ATPSCKMT: variants seen among roughly 807,000 people sequenced by gnomAD.
ATPSCKMT encodes ATP synthase subunit C lysine N-methyltransferase.
Under a neutral mutation model 24.3 loss-of-function variants are expected in ATPSCKMT, and 24 were observed. The observed-to-expected ratio is 0.99, with a 90% CI of 0.71 to 1.39. The LOEUF (loss-of-function observed/expected upper bound fraction) is 1.39. Ranked by LOEUF, ATPSCKMT falls within the 40% of genes most tolerant of loss-of-function variation. ATPSCKMT has a pLI of 0.00. For synonymous variants in ATPSCKMT, 95 were observed against 110.5 expected, an observed-to-expected ratio of 0.86 and a Z score of 0.88; for missense variants, 311 against 298.4, an observed-to-expected ratio of 1.04 and a Z score of -0.31.
In ATPSCKMT at chr5:10,236,622, A is replaced by C. The variant is rs535885547; in HGVS notation, c.307-7T>G. 1.2e-6 allele frequency: 2 copies of C among 1,611,302 alleles called. No individual in the cohort carries two copies. The highest frequency in any genetic ancestry group is 4.5e-5 in the East Asian group (2 of 44,860). On this transcript the variant is annotated splice_polypyrimidine_tract_variant and splice_region_variant and intron_variant, in intron 2 of 4. Coordinates refer to ENST00000511437, the MANE Select transcript of ATPSCKMT (RefSeq NM_199133.4). ...TCTTCGCAGCCGCTATGACCTGTGG[A>C]GAGAGGCAGGATTTATTCAAAATAA...
chr5:10,239,227 A>G lies in ATPSCKMT; in HGVS notation c.146T>C (p.Val49Ala), dbSNP rs1456265692. ...CGGCGTGGCTACAGCGTACACAGCC[A>G]CCAGGGTGCCACCCACAAGCCCAGT... ...LLTGLVGGTL[V>A]AVYAVATPFV... Residue 49 changes from valine (V) to alanine (A), a missense_variant, in exon 2 of 5, where the codon GTG (valine) becomes GCG (alanine). Coordinates refer to ENST00000511437, the MANE Select transcript of ATPSCKMT (RefSeq NM_199133.4). 6.2e-7 allele frequency: 1 copy of G among 1,614,220 alleles called. No homozygotes were observed. Among genetic ancestry groups the G allele is most frequent in the Admixed American group, 1.7e-5 (1 of 60,026 alleles).
chr5:10,233,310 C>T (rs1744235325), intron 4 of ATPSCKMT, among the ~76,000 whole-genome samples: 1 of 152,020 alleles, frequency 6.6e-6, no homozygotes, highest in Admixed American at 6.6e-5. Flanking sequence ...AAAGTAGGGG[C>T]CTCCACACAC....
intron 4 of ATPSCKMT, 47 bp from the exon 5 acceptor site, chr5:10,227,694 A>T (rs1273090421): frequency 3.9e-6 from 6 of 1,553,820 alleles, no homozygotes; most frequent in South Asian, 2.3e-5. Flanking sequence ...GAGTCAGAGG[A>T]AATGATCCCA....
chr5:10,249,703 G>C, intron 1 of ATPSCKMT, 155 bp downstream of exon 1: 4 of 1,222,450 alleles, frequency 3.3e-6, no homozygotes, highest in Non-Finnish European at 3.3e-6. Flanking sequence ...CGGCGACCAG[G>C]AGCTCTGGTC....
chr5:10,243,607 G>A (rs540857960), intron 1 of ATPSCKMT, among the ~76,000 whole-genome samples: 41 of 152,342 alleles, frequency 2.7e-4, no homozygotes, highest in African/African-American at 8.9e-4. Flanking sequence ...TTCATGCTCT[G>A]GAAATGGCTT....
chr5:10,236,732 G>A (rs1744392568), intron 2 of ATPSCKMT, 117 bp from the exon 3 acceptor site: 1 of 1,485,582 alleles, frequency 6.7e-7, no homozygotes, highest in African/African-American at 1.4e-5. Context: ...CACCTCCCGT[G>A]ACTAAGACAT....
intron 1 of ATPSCKMT, among the ~76,000 whole-genome samples, chr5:10,241,050 G>T (rs1166966273): frequency 6.6e-6 from 1 of 151,834 alleles, no homozygotes; most frequent in Non-Finnish European, 1.5e-5. Flanking sequence ...CAGTTCTGGA[G>T]GTCAGTCTGA....
chr5:10,230,768 G>A (rs961751782), intron 4 of ATPSCKMT, among the ~76,000 whole-genome samples: 3 of 151,986 alleles, frequency 2.0e-5, no homozygotes, highest in African/African-American at 4.8e-5. Context: ...TCACTGGGCC[G>A]CCAGTGTAAC....
At position 10,227,320 on chromosome 5, in the gene ATPSCKMT, G is replaced by A. The variant is rs1370810969; in HGVS notation, c.*121C>T. 6 of 1,000,356 alleles carry A rather than the reference G, an allele frequency of 6.0e-6. No individual in the cohort carries two copies. The highest frequency in any genetic ancestry group is 8.8e-6 in the Non-Finnish European group (6 of 685,308). The allele number at this position is 1,000,356 out of a possible 1,614,324, so 62.0% of individuals were successfully genotyped here. ...TTGTTTTCTCCAACAGTTAAGGAAA[G>A]TAATAGTAATTTCTCATTCCAAACC... On this transcript the variant is annotated 3_prime_UTR_variant, in exon 5 of 5. Transcript: ENST00000511437.
chr5:10,249,766 C>A (rs1338414862), intron 1 of ATPSCKMT, 92 bp downstream of exon 1: 4 of 1,495,184 alleles, frequency 2.7e-6, no homozygotes, highest in South Asian at 1.3e-5. Context: ...GTCACCGCCT[C>A]GACAGTGGAG....
chr5:10,246,980 G>C (rs1744964573), intron 1 of ATPSCKMT, among the ~76,000 whole-genome samples: 1 of 152,240 alleles, frequency 6.6e-6, no homozygotes, highest in South Asian at 2.1e-4. Context: ...TGGAACCAAG[G>C]TGTGGAAGGC....
At chr5:10,229,574 C>G (rs1157726524) in intron 4 of ATPSCKMT, among the ~76,000 whole-genome samples, 1 of 152,122 alleles carries the variant, frequency 6.6e-6, no homozygotes, top group African/African-American at 2.4e-5. Flanking sequence ...TGATGTAAAT[C>G]CTGTTACTCA....
At chr5:10,244,655 T>C (rs13165183) in intron 1 of ATPSCKMT, among the ~76,000 whole-genome samples, 43,653 of 152,118 alleles carry the variant, frequency 0.29, 7,626 homozygotes, top group Non-Finnish European at 0.39. Flanking sequence ...TTCATGCCTA[T>C]AATCCCAGCA....
rs1359943629 is a variant in ATPSCKMT, at chr5:10,226,215, T to C, written c.*1226A>G. The C allele has an allele frequency of 2.0e-5, 3 of 152,248 alleles. No homozygotes were observed. Among genetic ancestry groups the C allele is most frequent in the African/African-American group, 7.2e-5 (3 of 41,462 alleles). 9.4% of individuals were successfully genotyped at this position (152,248 alleles called of 1,614,324 possible). A position where few individuals can be genotyped will look rare whatever the true frequency, so the allele number is the denominator to read the frequency against. ...ATTCCATGAGGCCAGGGGCTTTGCATGTCTATTTACCGCAGAATCTCAGAG... is the reference window on the plus strand; with the variant it reads ...ATTCCATGAGGCCAGGGGCTTTGCACGTCTATTTACCGCAGAATCTCAGAG... On this transcript the variant is annotated 3_prime_UTR_variant, in exon 5 of 5. Coordinates refer to ENST00000511437, the MANE Select transcript of ATPSCKMT (RefSeq NM_199133.4).
intron 1 of ATPSCKMT, 131 bp downstream of exon 1, chr5:10,249,727 C>T: frequency 2.9e-6 from 4 of 1,385,452 alleles, no homozygotes; most frequent in Non-Finnish European, 2.9e-6. Flanking sequence ...GAAGGCCAGG[C>T]TGGAGGCCAG....
intron 4 of ATPSCKMT, among the ~76,000 whole-genome samples, chr5:10,232,705 C>T (rs1744204894): frequency 6.6e-6 from 1 of 152,110 alleles, no homozygotes; most frequent in African/African-American, 2.4e-5. Context: ...GTCCAGGGGG[C>T]CGAGAGAAGG....
chr5:10,241,211 C>T (rs956121396), intron 1 of ATPSCKMT, among the ~76,000 whole-genome samples: 4 of 152,088 alleles, frequency 2.6e-5, no homozygotes, highest in Non-Finnish European at 1.5e-5. Flanking sequence ...CTCTCACATG[C>T]CTGGCTCCCT....
intron 1 of ATPSCKMT, among the ~76,000 whole-genome samples, chr5:10,244,863 G>A (rs1401327950): frequency 2.0e-5 from 3 of 149,328 alleles, no homozygotes; most frequent in Admixed American, 6.8e-5. Context: ...AGCCGTGATC[G>A]CACCATTACA....
chr5:10,237,065 G>A, intron 2 of ATPSCKMT: 1 of 1,245,872 alleles, frequency 8.0e-7, no homozygotes, highest in African/African-American at 1.5e-5. Context: ...TCTGCAATTA[G>A]TTACATATTT....
Sources: gnomAD v4.1 joint callset for allele counts (sites outside exome capture counted in the v4.1 genomes callset) on GRCh38, gnomAD v4.1.1 for gene constraint, MANE v1.5 for transcripts, NCBI Gene and HGNC (gene_info 2026-07-23, HGNC 2026-07-21) for gene names.